Variants in CITED1 observed in about 807,000 individuals in gnomAD.
CITED1 encodes the protein cbp/p300-interacting transactivator 1.
CITED1 carries 3 observed loss-of-function variants against 8.5 expected under a neutral mutation model. That is an observed-to-expected ratio of 0.35 (90% CI 0.16 to 0.91). CITED1 has a LOEUF of 0.91. Among genes scored for constraint, CITED1 ranks in the 40% least tolerant of loss-of-function variants. The pLI is 0.46. For synonymous variants in CITED1, 54 were observed against 67.4 expected (o/e 0.80, Z 0.97); for missense variants, 113 against 154.8 (o/e 0.73, Z 1.43).
intron 1 of CITED1, chrX:72,305,271 T>C (rs774477006): frequency 1.0e-5 from 12 of 1,158,546 alleles, no homozygotes; most frequent in Middle Eastern, 2.3e-4. Context: ...CTTTAACCTG[T>C]TGGGGGACCA....
At position 72,304,374 on chromosome X, in the gene CITED1, T is replaced by G. The variant is rs754362895; in HGVS notation, c.-65-1440A>C. 8.1e-5 allele frequency among the ~76,000 whole-genome samples: 9 copies of G among 111,674 alleles called. No homozygotes were observed. In the South Asian group the frequency reaches 3.4e-3, roughly 42 times the overall value. On this transcript the variant is annotated intron_variant, in intron 1 of 2. Transcript: ENST00000651998. Reference sequence around the variant, plus strand: ...AAAAACATGAGGAAAAAATATCAGCTGTTGGGTCCCGCATCATTGCTTGAT... The same window carrying G: ...AAAAACATGAGGAAAAAATATCAGCGGTTGGGTCCCGCATCATTGCTTGAT...
At chrX:72,302,762 C>G (rs746805089) in intron 2 of CITED1, 48 bp downstream of exon 2, 1 of 1,144,289 alleles carries the variant, frequency 8.7e-7, no homozygotes, top group African/African-American at 1.8e-5. Context: ...CCCATGACCC[C>G]GGAAAATTTG....
chrX:72,303,764 C>T (rs2984344), intron 1 of CITED1, among the ~76,000 whole-genome samples: 26,734 of 111,400 alleles, frequency 0.24, 3,375 homozygotes, highest in South Asian at 0.52. Flanking sequence ...AGTCATCATA[C>T]CTAGCTGGAT....
At chrX:72,304,160 G>C (rs1285484060) in intron 1 of CITED1, 1 of 500,721 alleles carries the variant, frequency 2.0e-6, no homozygotes, top group African/African-American at 2.6e-5. Context: ...CTTAAAAAGA[G>C]TCTCTAATCT....
intron 1 of CITED1, among the ~76,000 whole-genome samples, chrX:72,304,349 A>T (rs1435233504): frequency 9.0e-6 from 1 of 111,692 alleles, no homozygotes; most frequent in Non-Finnish European, 1.9e-5. Flanking sequence ...ACATTTTTTT[A>T]AAAACATGAG....
chrX:72,305,391 T>G, intron 1 of CITED1: 1 of 902,932 alleles, frequency 1.1e-6, no homozygotes, highest in Non-Finnish European at 1.6e-6. Flanking sequence ...GGACGCGCTC[T>G]AACCAGACCA....
At chrX:72,303,567 C>T (rs1289953130) in intron 1 of CITED1, among the ~76,000 whole-genome samples, 1 of 111,887 alleles carries the variant, frequency 8.9e-6, no homozygotes, top group African/African-American at 3.2e-5. Flanking sequence ...TGTCTCAAGC[C>T]CCCTCCAAGA....
intron 1 of CITED1, chrX:72,304,039 A>C (rs1227374332): frequency 2.7e-6 from 1 of 374,371 alleles, no homozygotes; most frequent in Admixed American, 9.8e-5. Context: ...ACATAGCGGG[A>C]CCCTATCTCT....
rs1446917918 is a variant in CITED1 at position 72,304,703 on chromosome X, C to CA, written c.-66+1121dup. Among the ~76,000 whole-genome samples, 11 of 111,177 alleles carry CA rather than the reference C, an allele frequency of 9.9e-5. No individual in the cohort carries two copies. In the East Asian group the frequency reaches 1.7e-3, roughly 17 times the overall value. ...TAGAAAAATCAAAAGAGAGAACGAG[C>CA]AAAAAAACTCTCTCTATTCTGATAT... On this transcript the variant is annotated intron_variant, in intron 1 of 2. Transcript: ENST00000651998.
intron 1 of CITED1, among the ~76,000 whole-genome samples, chrX:72,303,330 T>C (rs1255738223): frequency 1.8e-5 from 2 of 111,625 alleles, no homozygotes; most frequent in African/African-American, 6.5e-5. Flanking sequence ...GGCTGGAGAG[T>C]TGGGGCCTCC....
intron 1 of CITED1, among the ~76,000 whole-genome samples, chrX:72,305,122 GC>G (rs1348273378): frequency 8.9e-6 from 1 of 112,288 alleles, no homozygotes; most frequent in Non-Finnish European, 1.9e-5. Context: ...ATGCCTGGCG[GC>G]CCCCCGGCCA....
rs777391276 is a variant in CITED1, at chrX:72,305,433, G to A, written c.-66+392C>T. On this transcript the variant is annotated intron_variant, in intron 1 of 2. Coordinates refer to ENST00000651998, the MANE Select transcript of CITED1 (RefSeq NM_001144887.2). ...TTCGCCACCTGAAAACTAAAGGCCC[G>A]TTGTTTGCGGACAGCTCGGCTGCCC... The A allele has an allele frequency of 1.4e-5, 8 of 590,679 alleles. No homozygotes were observed. The East Asian group carries it at 2.8e-4, about 21-fold the overall frequency. 48.7% of individuals were successfully genotyped at this position (590,679 alleles called of 1,213,427 possible).
chrX:72,302,145 C>T lies in CITED1; in HGVS notation c.160G>A (p.Gly54Arg), dbSNP rs754543123. ...ILHYPGVASN[G>R]TKASGAPTSS... ...GTGGGAGCCCCACTGGCCTTGGTTC[C>T]ATTTGAGGCTACCCCAGGGTAGTGC... The change falls in exon 3 of 3, where the codon GGA (glycine) becomes AGA (arginine). Residue 54 changes from glycine (G) to arginine (R), a missense_variant. Transcript: ENST00000651998. The T allele has an allele frequency of 2.5e-6, 3 of 1,195,672 alleles. No individual in the cohort carries two copies. Among genetic ancestry groups the T allele is most frequent in the Middle Eastern group, 4.6e-4 (2 of 4,336 alleles).
chrX:72,306,831 G>T (rs1440584017), upstream of CITED1: 2 of 107,710 alleles, frequency 1.9e-5, no homozygotes, highest in South Asian at 8.1e-4. Context: ...CCCCATTGCC[G>T]CCCGGAGAGC....
At chrX:72,306,940 C>T (rs1418273705), upstream of CITED1, 2 of 109,145 alleles carry the variant, frequency 1.8e-5, no homozygotes, top group African/African-American at 6.7e-5. Context: ...TCAATTTCCA[C>T]GTCTTTATAA....
At chrX:72,302,335 C>T (rs2043297599) in intron 2 of CITED1, 91 bp from the exon 3 acceptor site, 17 of 1,021,866 alleles carry the variant, frequency 1.7e-5, no homozygotes, top group Admixed American at 3.1e-5. Flanking sequence ...ACCTGCACTT[C>T]ATTTGGGACT....
chrX:72,302,081 G>A lies in CITED1; in HGVS notation c.224C>T (p.Thr75Ile), dbSNP rs1259030494. The A allele has an allele frequency of 5.0e-6, 6 of 1,190,142 alleles. No homozygotes were observed. The South Asian group carries it at 1.1e-4, about 22-fold the overall frequency. ...GAAGGATGGGGGTTTAGTGGGAGGGGTGGTTGTAGGAGAGCCTATTGGAGA... is the reference window on the plus strand; with the variant it reads ...GAAGGATGGGGGTTTAGTGGGAGGGATGGTTGTAGGAGAGCCTATTGGAGA... ...SGSPIGSPTTTPPTKPPSFNL... is the reference protein window; with the variant it reads ...SGSPIGSPTTIPPTKPPSFNL... The change falls in exon 3 of 3, where the codon ACC (threonine) becomes ATC (isoleucine). Residue 75 changes from threonine (T) to isoleucine (I), a missense_variant. Thr to Ile is a moderately conservative substitution (Grantham distance 89). Transcript: ENST00000651998.
At chrX:72,302,719 A>G in intron 2 of CITED1, 91 bp downstream of exon 2, 1 of 789,960 alleles carries the variant, frequency 1.3e-6, no homozygotes. Flanking sequence ...TCTCTGCTCA[A>G]GGACACTGGG....
chrX:72,302,194 T>A lies in CITED1; in HGVS notation c.111A>T (p.Lys37Asn), dbSNP rs759398785. ...GCAGAATGGCCACTGCTTTGCGATC[T>A]TTCACCGCAAGGTTGGAGTAGGCCA... ...SSVAYSNLAV[K>N]DRKAVAILHY... The change falls in exon 3 of 3, where the codon AAA (lysine) becomes AAT (asparagine). Residue 37 changes from lysine (K) to asparagine (N), a missense_variant. Physicochemically the swap from Lys to Asn is moderately conservative, Grantham distance 94. Coordinates refer to ENST00000651998, the MANE Select transcript of CITED1 (RefSeq NM_001144887.2). 1.7e-6 allele frequency: 2 copies of A among 1,204,896 alleles called. No individual in the cohort carries two copies. The highest frequency in any genetic ancestry group is 3.5e-5 in the African/African-American group (2 of 57,269).
Sources: allele counts gnomAD v4.1 joint callset (sites outside exome capture counted in the v4.1 genomes callset), GRCh38; gene constraint gnomAD v4.1.1; transcripts MANE v1.5; gene names NCBI Gene and HGNC (gene_info 2026-07-23, HGNC 2026-07-21).